The following ZDHHC15 variants were observed in gnomAD, a reference collection of about 807,000 sequenced individuals.
The protein encoded by ZDHHC15 is palmitoyltransferase ZDHHC15.
A neutral mutation model predicts 31.7 loss-of-function variants in ZDHHC15; 19 were observed. The ratio of observed to expected loss-of-function variants is 0.60; its 90% CI spans 0.42 to 0.88. The LOEUF (loss-of-function observed/expected upper bound fraction) is 0.88, where lower values mean the gene tolerates loss of function less well. Ranked by LOEUF, ZDHHC15 falls within the 40% of genes least tolerant of loss-of-function variation. ZDHHC15 has a pLI of 0.00. For synonymous variants in ZDHHC15, 103 were observed against 90.0 expected (o/e 1.14, Z -0.82); for missense variants, 209 against 251.2 (o/e 0.83, Z 1.14).
chrX:75,427,467 C>G (rs755451704), intron 7 of ZDHHC15, among the ~76,000 whole-genome samples: 1 of 111,329 alleles, frequency 9.0e-6, no homozygotes, highest in African/African-American at 3.3e-5. Flanking sequence ...ACTAGGTGGG[C>G]TAAAGGCAAA....
intron 9 of ZDHHC15, 102 bp from the exon 10 acceptor site, chrX:75,417,292 G>A (rs1228798556): frequency 4.0e-6 from 2 of 504,228 alleles, no homozygotes; most frequent in East Asian, 3.7e-5. Flanking sequence ...GCCATATTTA[G>A]TCTCATTGTC....
chrX:75,449,385 A>G (rs1372010410), intron 4 of ZDHHC15, among the ~76,000 whole-genome samples: 1 of 111,211 alleles, frequency 9.0e-6, no homozygotes, highest in African/African-American at 3.3e-5. Flanking sequence ...AATTGCAAAT[A>G]CCTCAAGGTC....
chrX:75,446,877 T>C (rs2084040922), intron 4 of ZDHHC15, among the ~76,000 whole-genome samples: 1 of 111,723 alleles, frequency 9.0e-6, no homozygotes, highest in South Asian at 3.8e-4. Flanking sequence ...TAATATCCCC[T>C]TGGGGACAGG....
chrX:75,437,565 C>T (rs2083878624), intron 4 of ZDHHC15, among the ~76,000 whole-genome samples: 2 of 100,714 alleles, frequency 2.0e-5, no homozygotes, highest in Non-Finnish European at 2.0e-5. Context: ...CGATAGTTTA[C>T]TGAGAATGAT....
intron 3 of ZDHHC15, among the ~76,000 whole-genome samples, chrX:75,473,439 G>T (rs1029582102): frequency 9.0e-6 from 1 of 110,856 alleles, no homozygotes; most frequent in African/African-American, 3.3e-5. Flanking sequence ...ACAACATTAT[G>T]TTCTGCTTGC....
intron 7 of ZDHHC15, among the ~76,000 whole-genome samples, chrX:75,426,647 T>G (rs920092195): frequency 9.0e-6 from 1 of 111,530 alleles, no homozygotes; most frequent in Non-Finnish European, 1.9e-5. Flanking sequence ...TGTATTACTA[T>G]TTTTTACATA....
At chrX:75,407,236 G>T (rs1443017938) in intron 10 of ZDHHC15, among the ~76,000 whole-genome samples, 2 of 111,682 alleles carry the variant, frequency 1.8e-5, no homozygotes, top group African/African-American at 6.5e-5. Flanking sequence ...CATCTGGGAG[G>T]TGAGGAGCGT....
chrX:75,460,470 C>T (rs2084295303), intron 3 of ZDHHC15, among the ~76,000 whole-genome samples: 2 of 111,224 alleles, frequency 1.8e-5, no homozygotes, highest in African/African-American at 6.5e-5. Context: ...TCCCTGTTTC[C>T]ACTCCTCCTG....
intron 1 of ZDHHC15, among the ~76,000 whole-genome samples, chrX:75,514,408 T>C (rs2085324279): frequency 8.9e-6 from 1 of 112,041 alleles, no homozygotes; most frequent in Non-Finnish European, 1.9e-5. Context: ...ATTAAGCTGG[T>C]ATTCAACAGG....
At chrX:75,481,906 C>G (rs773755730) in intron 2 of ZDHHC15, among the ~76,000 whole-genome samples, 1 of 112,302 alleles carries the variant, frequency 8.9e-6, no homozygotes, top group South Asian at 3.7e-4. Context: ...GAGCCTAACA[C>G]TTAGCAATAA....
At chrX:75,493,984 A>C (rs2084945021) in intron 2 of ZDHHC15, among the ~76,000 whole-genome samples, 1 of 111,609 alleles carries the variant, frequency 9.0e-6, no homozygotes, top group Admixed American at 9.6e-5. Flanking sequence ...GAAAATAAGA[A>C]GTCAAATTGT....
At chrX:75,502,250 G>T (rs367870422) in intron 2 of ZDHHC15, 1 of 111,357 alleles carries the variant, frequency 9.0e-6, no homozygotes, top group Non-Finnish European at 1.9e-5. Context: ...GTACCTATCT[G>T]TGTCCAGATT....
At chrX:75,485,242 T>TA (rs1172527801) in intron 2 of ZDHHC15, among the ~76,000 whole-genome samples, 1 of 111,615 alleles carries the variant, frequency 9.0e-6, no homozygotes, top group Non-Finnish European at 1.9e-5. Context: ...AACAAAGATC[T>TA]AAAAATAGAT....
chrX:75,458,828 T>G (rs2084265438), intron 3 of ZDHHC15, among the ~76,000 whole-genome samples: 1 of 108,864 alleles, frequency 9.2e-6, no homozygotes, highest in Admixed American at 9.9e-5. Flanking sequence ...GAAGCAGCAG[T>G]CCGTGGCACT....
intron 5 of ZDHHC15, among the ~76,000 whole-genome samples, chrX:75,430,945 A>T (rs746007426): frequency 9.0e-6 from 1 of 111,410 alleles, no homozygotes; most frequent in Non-Finnish European, 1.9e-5. Context: ...GTTATCAAAA[A>T]CAAGTCTGGG....
At chrX:75,486,471 T>C (rs747194492) in intron 2 of ZDHHC15, among the ~76,000 whole-genome samples, 8 of 112,076 alleles carry the variant, frequency 7.1e-5, no homozygotes, top group Non-Finnish European at 1.3e-4. Flanking sequence ...TAGGGGGAAG[T>C]GATCAGAAAG....
At chrX:75,478,740 C>T in intron 3 of ZDHHC15, 151 bp downstream of exon 3, 1 of 440,247 alleles carries the variant, frequency 2.3e-6, no homozygotes, top group South Asian at 4.1e-5. Context: ...AATAGCCTAT[C>T]CTACCCTCAA....
At chrX:75,431,611 A>T in intron 4 of ZDHHC15, 91 bp from the exon 5 acceptor site, 1 of 766,957 alleles carries the variant, frequency 1.3e-6, no homozygotes, top group Non-Finnish European at 1.9e-6. Context: ...CTTGTTATGC[A>T]CTGATTATAG....
At chrX:75,422,839 T>C (rs1292358981) in intron 8 of ZDHHC15, among the ~76,000 whole-genome samples, 1 of 109,403 alleles carries the variant, frequency 9.1e-6, no homozygotes, top group African/African-American at 3.3e-5. Context: ...AGTTTTAGGG[T>C]ACATGTGCAC....
Sources: allele counts gnomAD v4.1 joint callset (sites outside exome capture counted in the v4.1 genomes callset), GRCh38; gene constraint gnomAD v4.1.1; transcripts MANE v1.5; gene names NCBI Gene and HGNC (gene_info 2026-07-23, HGNC 2026-07-21).